Variants in DOK6 observed in about 807,000 individuals in gnomAD.
DOK6 encodes the protein downstream of tyrosine kinase 6.
In DOK6, 22 loss-of-function variants were observed where a neutral mutation model predicts 44.0. The observed-to-expected ratio is 0.50, with a 90% confidence interval of 0.36 to 0.71. The LOEUF is 0.71. Among genes scored for constraint, DOK6 ranks in the 30% least tolerant of loss-of-function variants. The probability of loss-of-function intolerance (pLI) is 0.00; values close to 1 mark genes in which losing one functional copy is unlikely to be tolerated. For missense variants in DOK6, 340 were observed against 416.4 expected (o/e 0.82, Z 1.60); for synonymous variants, 166 against 145.5 (o/e 1.14, Z -1.01).
At position 69,842,781 on chromosome 18, in the gene DOK6, A is replaced by C. The variant is rs1246424875; in HGVS notation, c.*1398A>C. 1 of 152,212 alleles carries C rather than the reference A, an allele frequency of 6.6e-6. No homozygotes were observed. Among genetic ancestry groups the C allele is most frequent in the African/African-American group, 2.4e-5 (1 of 41,446 alleles). 9.4% of individuals were successfully genotyped at this position (152,212 alleles called of 1,614,324 possible). ...TAATTCTGGAGTTAAGTAAAAATAA[A>C]AATTATCCTGCCTGAATCATCTGAT... is the stretch of plus-strand genomic sequence containing the variant. On this transcript the variant is annotated 3_prime_UTR_variant, in exon 8 of 8. Transcript: ENST00000382713.
chr18:69,646,743 G>T (rs1483836413), intron 3 of DOK6, among the ~76,000 whole-genome samples: 2 of 152,082 alleles, frequency 1.3e-5, no homozygotes, highest in Non-Finnish European at 2.9e-5. Flanking sequence ...GAGACAGGGT[G>T]TTCACGACCA....
chr18:69,571,750 A>G (rs1391061063), intron 2 of DOK6, among the ~76,000 whole-genome samples: 1 of 152,112 alleles, frequency 6.6e-6, no homozygotes, highest in Non-Finnish European at 1.5e-5. Flanking sequence ...ACAGATTTAA[A>G]GGAAGAAAGA....
chr18:69,645,868 T>C (rs1430356767), intron 3 of DOK6, among the ~76,000 whole-genome samples: 1 of 152,188 alleles, frequency 6.6e-6, no homozygotes, highest in Non-Finnish European at 1.5e-5. Context: ...GTTTCTATGA[T>C]GTTTAGAGTT....
intron 1 of DOK6, among the ~76,000 whole-genome samples, chr18:69,513,152 T>C (rs1456127549): frequency 6.6e-6 from 1 of 152,226 alleles, no homozygotes; most frequent in Admixed American, 6.5e-5. Flanking sequence ...AGTTCAATAC[T>C]TTATGTTTTA....
intron 7 of DOK6, among the ~76,000 whole-genome samples, chr18:69,801,759 T>C (rs1416845232): frequency 6.6e-6 from 1 of 152,218 alleles, no homozygotes; most frequent in Non-Finnish European, 1.5e-5. Context: ...GTTCTTTCTC[T>C]CAGATTAAAA....
At chr18:69,438,423 G>A (rs1979044319) in intron 1 of DOK6, among the ~76,000 whole-genome samples, 1 of 152,120 alleles carries the variant, frequency 6.6e-6, no homozygotes, top group South Asian at 2.1e-4. Flanking sequence ...CACATCTTTA[G>A]GTTCCACTTC....
chr18:69,705,307 T>G (rs779076249), intron 5 of DOK6: 10 of 152,222 alleles, frequency 6.6e-5, no homozygotes, highest in Non-Finnish European at 1.3e-4. Flanking sequence ...ATTACAAGAT[T>G]TCTTGTGTAT....
chr18:69,619,391 C>A (rs1984387574), intron 3 of DOK6, among the ~76,000 whole-genome samples: 1 of 152,336 alleles, frequency 6.6e-6, no homozygotes, highest in South Asian at 2.1e-4. Flanking sequence ...CCTGCCCTGG[C>A]TGACATTTTT....
chr18:69,804,829 G>C (rs1373875473), intron 7 of DOK6, among the ~76,000 whole-genome samples: 1 of 152,096 alleles, frequency 6.6e-6, no homozygotes, highest in Non-Finnish European at 1.5e-5. Context: ...TGCAGCCTCA[G>C]TTATGGACAC....
chr18:69,629,521 A>G (rs553656165), intron 3 of DOK6, among the ~76,000 whole-genome samples: 24 of 152,344 alleles, frequency 1.6e-4, no homozygotes, highest in African/African-American at 5.5e-4. Context: ...AGAAATTTGC[A>G]ATATAAATGT....
intron 1 of DOK6, among the ~76,000 whole-genome samples, chr18:69,481,756 T>A (rs182585658): frequency 1.2e-4 from 19 of 152,292 alleles, no homozygotes; most frequent in African/African-American, 4.3e-4. Context: ...GATGGCTGGG[T>A]CAAATGGCAT....
chr18:69,724,571 T>C (rs1978296872), intron 5 of DOK6, among the ~76,000 whole-genome samples: 1 of 152,224 alleles, frequency 6.6e-6, no homozygotes, highest in South Asian at 2.1e-4. Flanking sequence ...TCAACAACTT[T>C]CCTTATGACA....
intron 1 of DOK6, among the ~76,000 whole-genome samples, chr18:69,422,861 A>G (rs556143982): frequency 7.2e-5 from 11 of 152,306 alleles, no homozygotes; most frequent in African/African-American, 2.2e-4. Context: ...GCAATTCAGA[A>G]CTATTTGCAA....
At chr18:69,611,949 T>TACACACACACAC (rs56185499) in intron 3 of DOK6, among the ~76,000 whole-genome samples, 27 of 150,194 alleles carry the variant, frequency 1.8e-4, no homozygotes, top group African/African-American at 6.1e-4. Context: ...ATATAAAACT[T>TACACACACACAC]ACACACACAC....
intron 7 of DOK6, among the ~76,000 whole-genome samples, chr18:69,817,081 AT>A (rs1236882040): frequency 1.4e-4 from 22 of 152,204 alleles, no homozygotes; most frequent in African/African-American, 5.1e-4. Context: ...TAGAGGTGTT[AT>A]CTTTTGACTA....
At chr18:69,605,709 A>G (rs1043829932) in intron 3 of DOK6, among the ~76,000 whole-genome samples, 9 of 152,170 alleles carry the variant, frequency 5.9e-5, no homozygotes, top group Non-Finnish European at 1.0e-4. Flanking sequence ...GATAAAAACT[A>G]TGAGAAAATA....
chr18:69,557,615 T>C (rs1249244370), intron 1 of DOK6, among the ~76,000 whole-genome samples: 1 of 152,168 alleles, frequency 6.6e-6, no homozygotes, highest in Non-Finnish European at 1.5e-5. Context: ...GAACCAGCTG[T>C]GATCCTGGGA....
At chr18:69,511,422 A>C (rs1281155685) in intron 1 of DOK6, among the ~76,000 whole-genome samples, 1 of 152,208 alleles carries the variant, frequency 6.6e-6, no homozygotes, top group African/African-American at 2.4e-5. Context: ...CTAGGAAATA[A>C]GGGTAAATAT....
chr18:69,681,863 C>G (rs986902132), intron 4 of DOK6, among the ~76,000 whole-genome samples: 2 of 152,136 alleles, frequency 1.3e-5, no homozygotes, highest in African/African-American at 4.8e-5. Context: ...CCTGCAAATG[C>G]AGTTGGAAAT....
Sources: gnomAD v4.1 joint callset for allele counts (sites outside exome capture counted in the v4.1 genomes callset) on GRCh38, gnomAD v4.1.1 for gene constraint, MANE v1.5 for transcripts, NCBI Gene and HGNC (gene_info 2026-07-23, HGNC 2026-07-21) for gene names.